The following PPP4R4 variants were observed in gnomAD, a reference collection of about 807,000 sequenced individuals.
The protein encoded by PPP4R4 is serine/threonine-protein phosphatase 4 regulatory subunit 4.
In PPP4R4, 70 loss-of-function variants were observed where a neutral mutation model predicts 121.8. That is an observed-to-expected ratio of 0.57 (90% CI 0.47 to 0.70). PPP4R4 has a LOEUF of 0.70. Among genes scored for constraint, PPP4R4 ranks in the 30% least tolerant of loss-of-function variants. PPP4R4 has a pLI of 0.00. For missense variants in PPP4R4, 875 were observed against 1,033.6 expected (o/e 0.85, Z 2.10); for synonymous variants, 348 against 355.7 (o/e 0.98, Z 0.24).
At chr14:94,265,240 T>A in intron 20 of PPP4R4, 147 bp from the exon 21 acceptor site, 1 of 645,938 alleles carries the variant, frequency 1.5e-6, no homozygotes, top group Non-Finnish European at 2.7e-6. Flanking sequence ...GATTGAAATA[T>A]GTAAATATTA....
intron 3 of PPP4R4, chr14:94,227,399 G>A (rs779564248): frequency 5.6e-6 from 9 of 1,599,090 alleles, no homozygotes; most frequent in Non-Finnish European, 7.7e-6. Flanking sequence ...AACTCTTATT[G>A]TATTATGTTT....
chr14:94,177,527 T>C (rs1888745276), intron 2 of PPP4R4, among the ~76,000 whole-genome samples: 2 of 152,214 alleles, frequency 1.3e-5, no homozygotes, highest in South Asian at 4.1e-4. Context: ...AGAAAATTGA[T>C]GAAAGTGTGG....
At chr14:94,267,961 C>T (rs1253818971) in intron 23 of PPP4R4, among the ~76,000 whole-genome samples, 3 of 152,020 alleles carry the variant, frequency 2.0e-5, no homozygotes, top group East Asian at 3.9e-4. Context: ...ATTAAAGCAT[C>T]GACATTCACG....
intron 2 of PPP4R4, among the ~76,000 whole-genome samples, chr14:94,201,715 T>C (rs1237124500): frequency 6.6e-6 from 1 of 152,106 alleles, no homozygotes; most frequent in Non-Finnish European, 1.5e-5. Flanking sequence ...AGTCCTTATG[T>C]GTGTTTGGTG....
In PPP4R4 at chr14:94,275,381, A is replaced by G; in HGVS notation, c.2457A>G (p.Ser819=). ...KTSVLSLADD[S]FRTRNASSVP... ...TATATGTATTGCTTTCAGATGATTC[A>G]TTCCGGACTCGTAATGCCAGTAGCG... is the stretch of plus-strand genomic sequence containing the variant. Residue 819 remains serine, a synonymous_variant, in exon 24 of 25, where the codon TCA becomes TCG. Transcript: ENST00000304338. 6.2e-7 allele frequency: 1 copy of G among 1,613,950 alleles called. No homozygotes were observed. Among genetic ancestry groups the G allele is most frequent in the Non-Finnish European group, 8.5e-7 (1 of 1,179,872 alleles).
At chr14:94,176,942 T>A (rs1176529985) in intron 2 of PPP4R4, among the ~76,000 whole-genome samples, 1 of 152,080 alleles carries the variant, frequency 6.6e-6, no homozygotes, top group African/African-American at 2.4e-5. Flanking sequence ...CTGATGTAAT[T>A]TACCTCCTAG....
At chr14:94,187,277 G>A (rs1441902874) in intron 2 of PPP4R4, among the ~76,000 whole-genome samples, 2 of 151,996 alleles carry the variant, frequency 1.3e-5, no homozygotes, top group East Asian at 3.8e-4. Context: ...CTGTACTCCA[G>A]CCTGGATGAC....
intron 2 of PPP4R4, among the ~76,000 whole-genome samples, chr14:94,190,410 C>T (rs1385748607): frequency 6.6e-6 from 1 of 151,996 alleles, no homozygotes; most frequent in East Asian, 1.9e-4. Flanking sequence ...GAGTTTGAGA[C>T]CAGCCTGGCC....
At chr14:94,174,643 G>A in intron 1 of PPP4R4, 61 bp downstream of exon 1, 2 of 1,584,356 alleles carry the variant, frequency 1.3e-6, no homozygotes, top group Non-Finnish European at 1.7e-6. Flanking sequence ...GCGCGGTCCC[G>A]CGCTGATCTC....
At chr14:94,265,041 T>C in intron 20 of PPP4R4, 94 bp downstream of exon 20, 1 of 1,104,586 alleles carries the variant, frequency 9.1e-7, no homozygotes, top group Non-Finnish European at 1.3e-6. Flanking sequence ...TTATTTGATA[T>C]GGAAAATTGC....
intron 23 of PPP4R4, among the ~76,000 whole-genome samples, chr14:94,271,179 GT>G (rs1894309323): frequency 6.6e-6 from 1 of 152,074 alleles, no homozygotes; most frequent in South Asian, 2.1e-4. Flanking sequence ...ATTCTGTGAG[GT>G]CAGCATTACC....
chr14:94,221,211 A>G (rs1011741478), intron 3 of PPP4R4, among the ~76,000 whole-genome samples: 1 of 152,172 alleles, frequency 6.6e-6, no homozygotes, highest in African/African-American at 2.4e-5. Flanking sequence ...CTCCATATGC[A>G]AAAGATAAAA....
At chr14:94,199,216 C>T (rs1403921539) in intron 2 of PPP4R4, among the ~76,000 whole-genome samples, 1 of 152,232 alleles carries the variant, frequency 6.6e-6, no homozygotes, top group Non-Finnish European at 1.5e-5. Flanking sequence ...AAATCTTAAA[C>T]ATCTTTTGTC....
At chr14:94,236,101 C>T (rs1395252318) in intron 7 of PPP4R4, among the ~76,000 whole-genome samples, 1 of 152,138 alleles carries the variant, frequency 6.6e-6, no homozygotes, top group Non-Finnish European at 1.5e-5. Context: ...GTAGTGTACT[C>T]TGTCCTGTGT....
chr14:94,251,047 T>G (rs1015764293), intron 15 of PPP4R4, among the ~76,000 whole-genome samples: 2 of 152,038 alleles, frequency 1.3e-5, no homozygotes, highest in Non-Finnish European at 2.9e-5. Flanking sequence ...TTAATCTTTC[T>G]TTTTATAGTC....
chr14:94,255,592 C>G (rs1191832846), intron 16 of PPP4R4, among the ~76,000 whole-genome samples: 2 of 145,254 alleles, frequency 1.4e-5, no homozygotes, highest in Admixed American at 1.3e-4. Flanking sequence ...CAGAGCAAGA[C>G]TCTGTCTCAA....
chr14:94,261,786 G>A (rs964835877), intron 19 of PPP4R4, among the ~76,000 whole-genome samples: 10 of 151,912 alleles, frequency 6.6e-5, no homozygotes, highest in African/African-American at 2.2e-4. Flanking sequence ...GTTGCATTTT[G>A]TTGTATCTAG....
intron 1 of PPP4R4, among the ~76,000 whole-genome samples, chr14:94,175,186 C>T (rs894510297): frequency 6.6e-5 from 10 of 151,464 alleles, no homozygotes. Context: ...TCAGATCAAG[C>T]TCGGGTCCTT....
At chr14:94,265,919 T>A in intron 22 of PPP4R4, 32 bp downstream of exon 22, 1 of 1,363,190 alleles carries the variant, frequency 7.3e-7, no homozygotes, top group South Asian at 1.3e-5. Flanking sequence ...ATTTTTAACA[T>A]AATTTTTATC....
Sources: gnomAD v4.1 joint callset for allele counts (sites outside exome capture counted in the v4.1 genomes callset) on GRCh38, gnomAD v4.1.1 for gene constraint, MANE v1.5 for transcripts, NCBI Gene and HGNC (gene_info 2026-07-23, HGNC 2026-07-21) for gene names.